Variants in CNTN3 observed in about 807,000 individuals in gnomAD.
CNTN3 encodes contactin-3.
Under a neutral mutation model 119.1 loss-of-function variants are expected in CNTN3, and 60 were observed. The observed-to-expected ratio is 0.50, with a 90% CI of 0.41 to 0.62. CNTN3 has a LOEUF of 0.62. Among genes scored for constraint, CNTN3 ranks in the 20% least tolerant of loss-of-function variants. The pLI is 0.00. For synonymous variants in CNTN3, 450 were observed against 438.7 expected, an observed-to-expected ratio of 1.03 and a Z score of -0.32; for missense variants, 1,101 against 1,242.4, an observed-to-expected ratio of 0.89 and a Z score of 1.71.
intron 5 of CNTN3, among the ~76,000 whole-genome samples, chr3:74,407,207 CA>C (rs1701339127): frequency 6.6e-6 from 1 of 150,390 alleles, no homozygotes; most frequent in Non-Finnish European, 1.5e-5. Context: ...GTGCTAGAAG[CA>C]TTACAATGGA....
rs564484626 is a variant in CNTN3, at chr3:74,497,432, T to C, written c.182+2227A>G. ...ATTTACTGCAGTGGCACAATCTATTTCTTACTCAGATAACATGAATAACAA... is the reference window on the plus strand; with the variant it reads ...ATTTACTGCAGTGGCACAATCTATTCCTTACTCAGATAACATGAATAACAA... On this transcript the variant is annotated intron_variant, in intron 3 of 22. Transcript: ENST00000263665. Among the ~76,000 whole-genome samples the C allele has an allele frequency of 9.2e-5, 14 of 152,090 alleles. No individual in the cohort carries two copies. In the South Asian group the frequency reaches 2.5e-3, roughly 27 times the overall value.
chr3:74,443,790 T>C (rs1294749818), intron 4 of CNTN3, among the ~76,000 whole-genome samples: 2 of 152,158 alleles, frequency 1.3e-5, no homozygotes, highest in Admixed American at 1.3e-4. Flanking sequence ...TTTAAGTACT[T>C]TGTGAGCTTC....
intron 19 of CNTN3, among the ~76,000 whole-genome samples, chr3:74,294,269 GT>G (rs1282802770): frequency 2.6e-5 from 4 of 152,216 alleles, no homozygotes; most frequent in Non-Finnish European, 5.9e-5. Context: ...TATCTTGCCA[GT>G]TCTCAGCTCT....
intron 8 of CNTN3, among the ~76,000 whole-genome samples, chr3:74,366,510 G>C (rs1035988501): frequency 1.3e-5 from 2 of 151,788 alleles, no homozygotes; most frequent in Non-Finnish European, 1.5e-5. Flanking sequence ...TCCAAAACTG[G>C]GAGGTGAGAT....
intron 4 of CNTN3, among the ~76,000 whole-genome samples, chr3:74,467,213 G>T (rs1412315981): frequency 6.6e-6 from 1 of 151,978 alleles, no homozygotes. Flanking sequence ...AATGATATTG[G>T]ATATCTTTTG....
chr3:74,595,701 G>A (rs1325091822), intron 1 of CNTN3, among the ~76,000 whole-genome samples: 2 of 152,010 alleles, frequency 1.3e-5, no homozygotes, highest in South Asian at 2.1e-4. Flanking sequence ...AAAATAATAA[G>A]AGCTATCTAT....
chr3:74,399,120 GT>G (rs895881463), intron 5 of CNTN3, among the ~76,000 whole-genome samples: 11 of 151,492 alleles, frequency 7.3e-5, no homozygotes, highest in South Asian at 2.1e-4. Flanking sequence ...CTAACTGTAA[GT>G]TTTTTTTTAA....
chr3:74,500,398 T>G (rs904470892), intron 2 of CNTN3, among the ~76,000 whole-genome samples: 1 of 151,766 alleles, frequency 6.6e-6, no homozygotes, highest in Admixed American at 6.6e-5. Flanking sequence ...CAAATCTCTC[T>G]ATTGTACTAC....
At chr3:74,409,482 A>G (rs1701403106) in intron 5 of CNTN3, among the ~76,000 whole-genome samples, 1 of 152,092 alleles carries the variant, frequency 6.6e-6, no homozygotes, top group African/African-American at 2.4e-5. Flanking sequence ...TCTTTGCTCA[A>G]ATAAACTCTC....
At chr3:74,569,885 T>C (rs1704282424) in intron 1 of CNTN3, among the ~76,000 whole-genome samples, 1 of 152,156 alleles carries the variant, frequency 6.6e-6, no homozygotes, top group South Asian at 2.1e-4. Flanking sequence ...GTTGTAGGAC[T>C]AGGGTCCTCA....
intron 5 of CNTN3, among the ~76,000 whole-genome samples, chr3:74,407,153 A>G (rs1168702766): frequency 1.3e-5 from 2 of 152,130 alleles, no homozygotes; most frequent in East Asian, 3.8e-4. Flanking sequence ...ATGTAATGCT[A>G]AGATAAAGAA....
chr3:74,526,387 G>GT (rs200325508), intron 1 of CNTN3, among the ~76,000 whole-genome samples: 2,560 of 151,906 alleles, frequency 0.017, 40 homozygotes, highest in Admixed American at 0.054. Context: ...TAGTTAATGA[G>GT]TATACTGGCT....
At chr3:74,304,977 C>T (rs1702529852) in intron 13 of CNTN3, among the ~76,000 whole-genome samples, 1 of 152,130 alleles carries the variant, frequency 6.6e-6, no homozygotes, top group Non-Finnish European at 1.5e-5. Flanking sequence ...TGCTATCTCT[C>T]TCCCACTCTA....
chr3:74,307,815 T>C (rs1288197812), intron 13 of CNTN3, among the ~76,000 whole-genome samples: 1 of 152,212 alleles, frequency 6.6e-6, no homozygotes, highest in African/African-American at 2.4e-5. Context: ...AAGCAAATAA[T>C]GAATTCGCTA....
At chr3:74,586,973 C>G (rs1485463488) in intron 1 of CNTN3, among the ~76,000 whole-genome samples, 1 of 152,010 alleles carries the variant, frequency 6.6e-6, no homozygotes, top group Non-Finnish European at 1.5e-5. Context: ...CTGCCTCTCC[C>G]AGCTACTCTT....
At chr3:74,434,470 A>G (rs1187758812) in intron 4 of CNTN3, among the ~76,000 whole-genome samples, 1 of 152,146 alleles carries the variant, frequency 6.6e-6, no homozygotes, top group African/African-American at 2.4e-5. Flanking sequence ...CTCATGCCCA[A>G]CTTTTCTGAA....
At chr3:74,334,994 T>C (rs1279765022) in intron 12 of CNTN3, 84 bp from the exon 13 acceptor site, 1 of 985,686 alleles carries the variant, frequency 1.0e-6, no homozygotes, top group East Asian at 2.5e-5. Flanking sequence ...ATCTAACTTA[T>C]ACTGTGTATG....
chr3:74,435,100 C>T (rs189180875), intron 4 of CNTN3, among the ~76,000 whole-genome samples: 22 of 152,190 alleles, frequency 1.4e-4, no homozygotes, highest in Middle Eastern at 3.4e-3. Flanking sequence ...TTAATTGTTC[C>T]GCAAAACCCA....
chr3:74,453,181 C>T (rs975515773), intron 4 of CNTN3, among the ~76,000 whole-genome samples: 6 of 152,014 alleles, frequency 3.9e-5, no homozygotes, highest in Admixed American at 2.0e-4. Context: ...TTGATTATTG[C>T]CACAATTTCA....
Sources: allele counts gnomAD v4.1 joint callset (sites outside exome capture counted in the v4.1 genomes callset), GRCh38; gene constraint gnomAD v4.1.1; transcripts MANE v1.5; gene names NCBI Gene and HGNC (gene_info 2026-07-23, HGNC 2026-07-21).